Variants in NTRK3 observed in about 807,000 individuals in gnomAD.
The protein encoded by NTRK3 is neurotrophic receptor tyrosine kinase 3, also known as NT-3 growth factor receptor.
In NTRK3, 24 loss-of-function variants were observed where a neutral mutation model predicts 91.7. That is an observed-to-expected ratio of 0.26 (90% CI 0.19 to 0.37). NTRK3 has a LOEUF of 0.37. Ranked by LOEUF, NTRK3 falls within the 10% of genes least tolerant of loss-of-function variation. NTRK3 has a pLI of 1.00. For synonymous variants in NTRK3, 483 were observed against 404.0 expected, an observed-to-expected ratio of 1.20 and a Z score of -2.34; for missense variants, 880 against 1,068.9, an observed-to-expected ratio of 0.82 and a Z score of 2.46.
At chr15:88,181,472 G>A (rs2046448634) in intron 5 of NTRK3, among the ~76,000 whole-genome samples, 1 of 152,112 alleles carries the variant, frequency 6.6e-6, no homozygotes, top group Non-Finnish European at 1.5e-5. Flanking sequence ...TCCTGAGCCT[G>A]GGTCCTGAAG....
Position 87,979,712 on chromosome 15 carries a change from G to A in NTRK3, c.1586-38959C>T, listed in dbSNP as rs189982254. On this transcript the variant is annotated intron_variant, in intron 14 of 18. Transcript: ENST00000394480. The stretch of plus-strand genomic sequence containing the variant: ...AGGGAAGGGAGCAAAACCTTTGGGG[G>A]CTTGGCCTTGGATTGTCATGGAAGA... 3.9e-3 allele frequency among the ~76,000 whole-genome samples: 600 copies of A among 152,262 alleles called. 1 individual carries two copies. The highest frequency in any genetic ancestry group is 3.4e-3 in the Middle Eastern group (1 of 294).
chr15:87,872,751 C>T (rs569720813), exon 19 of NTRK3: 238 of 232,808 alleles, frequency 1.0e-3, no homozygotes, highest in Non-Finnish European at 1.7e-3. Context: ...CAATCCTTTG[C>T]CATTGGTAAC....
rs887835157 is a variant in NTRK3 at position 88,235,555 on chromosome 15, C to T, written c.248+20351G>A. On this transcript the variant is annotated intron_variant, in intron 3 of 18. Coordinates refer to ENST00000394480, the Ensembl canonical transcript of NTRK3. This position sits in a 1 kb window ranked among gnomAD's most constrained non-coding sequence, Gnocchi z 5.2. ...CCTTGCACATGAGACTCAGCCTGGG[C>T]CCCTGGGAGGAGCAGCACAACTGGG... Among the ~76,000 whole-genome samples the T allele has an allele frequency of 2.6e-5, 4 of 152,152 alleles. No homozygotes were observed. The highest frequency in any genetic ancestry group is 9.7e-5 in the African/African-American group (4 of 41,436).
exon 19 of NTRK3, chr15:87,863,023 G>C (rs2141375536): frequency 4.3e-6 from 1 of 230,876 alleles, no homozygotes. Context: ...TTGTGTATAA[G>C]CAGTCCTTCA....
intron 3 of NTRK3, among the ~76,000 whole-genome samples, chr15:88,210,822 C>T (rs573556249): frequency 7.9e-5 from 12 of 152,234 alleles, no homozygotes; most frequent in Admixed American, 2.6e-4. Context: ...CATCAGAGAG[C>T]GGGCTCCTGG....
chr15:87,930,525 A>G (rs926178476), intron 16 of NTRK3, among the ~76,000 whole-genome samples: 8 of 152,128 alleles, frequency 5.3e-5, no homozygotes, highest in African/African-American at 1.7e-4. Context: ...TCAGCTCACA[A>G]GGAAGAGGGG....
At chr15:88,080,962 G>C (rs934232491) in intron 13 of NTRK3, among the ~76,000 whole-genome samples, 7 of 152,240 alleles carry the variant, frequency 4.6e-5, no homozygotes, top group African/African-American at 1.7e-4. Flanking sequence ...CTACATGGCA[G>C]CTTAAGTCTC....
At chr15:88,017,195 T>C (rs1308179281) in intron 14 of NTRK3, among the ~76,000 whole-genome samples, 1 of 152,170 alleles carries the variant, frequency 6.6e-6, no homozygotes, top group Non-Finnish European at 1.5e-5. Flanking sequence ...TTCTAATGAT[T>C]GCTCCCTCAC....
chr15:87,935,848 T>C lies in NTRK3; in HGVS notation c.1717-2664A>G, dbSNP rs181424101. 2.2e-3 allele frequency among the ~76,000 whole-genome samples: 342 copies of C among 152,290 alleles called. 2 individuals are homozygous for C. The highest frequency in any genetic ancestry group is 7.8e-3 in the African/African-American group (325 of 41,576). On this transcript the variant is annotated intron_variant, in intron 15 of 18. Coordinates refer to ENST00000394480, the Ensembl canonical transcript of NTRK3. ...AGAGATGGGTTCTTCATTTGGGAGATGGGCACAAAGCAACCACCATTACTT... is the reference window on the plus strand; with the variant it reads ...AGAGATGGGTTCTTCATTTGGGAGACGGGCACAAAGCAACCACCATTACTT...
At chr15:88,252,350 C>G (rs1162842462) in intron 3 of NTRK3, among the ~76,000 whole-genome samples, 3 of 152,148 alleles carry the variant, frequency 2.0e-5, no homozygotes. Flanking sequence ...CCGAATGATC[C>G]TTCAGCCAGC....
At chr15:88,182,025 C>T (rs1260459779) in intron 5 of NTRK3, among the ~76,000 whole-genome samples, 1 of 152,164 alleles carries the variant, frequency 6.6e-6, no homozygotes, top group East Asian at 1.9e-4. Context: ...CCCAGCTATG[C>T]CTCCAGCTGC....
chr15:87,978,558 G>T (rs2073921938), intron 14 of NTRK3: 3 of 229,234 alleles, frequency 1.3e-5, no homozygotes, highest in Non-Finnish European at 1.7e-5. Context: ...AAAACCTCCT[G>T]CAGCCAAAGC....
At chr15:87,994,371 T>C (rs763375152) in intron 14 of NTRK3, among the ~76,000 whole-genome samples, 2 of 152,114 alleles carry the variant, frequency 1.3e-5, no homozygotes, top group Non-Finnish European at 1.5e-5. Context: ...TATTACTACG[T>C]CCTTATACAA....
intron 5 of NTRK3, among the ~76,000 whole-genome samples, chr15:88,166,647 T>C (rs2044988713): frequency 6.6e-6 from 1 of 152,222 alleles, no homozygotes; most frequent in Admixed American, 6.5e-5. Context: ...AAACAATTTT[T>C]AAATATTCAT....
intron 14 of NTRK3, among the ~76,000 whole-genome samples, chr15:88,018,252 A>G (rs1333053914): frequency 6.6e-6 from 1 of 152,236 alleles, no homozygotes; most frequent in East Asian, 1.9e-4. Flanking sequence ...GGGGATGACT[A>G]CATAGGAGCT....
chr15:88,102,348 T>A (rs1003968337), intron 13 of NTRK3, among the ~76,000 whole-genome samples: 2 of 152,334 alleles, frequency 1.3e-5, no homozygotes, highest in East Asian at 3.9e-4. Context: ...TTTCTATACT[T>A]AGGCCACCTG....
rs184843854 is a variant in NTRK3 at position 88,072,154 on chromosome 15, G to A, written c.1397-39109C>T. On this transcript the variant is annotated intron_variant, in intron 13 of 18. Coordinates refer to ENST00000394480, the Ensembl canonical transcript of NTRK3. ...CTGAGTAGCTGGGATTACAGGCACC[G>A]CCACCATGCCTGGCTAATTTTTTGT... Among the ~76,000 whole-genome samples, 717 of 151,784 alleles carry A rather than the reference G, an allele frequency of 4.7e-3. 6 individuals carry two copies. Among genetic ancestry groups the A allele is most frequent in the Non-Finnish European group, 7.6e-3 (513 of 67,918 alleles).
At chr15:88,140,504 C>A (rs1055388632) in intron 6 of NTRK3, among the ~76,000 whole-genome samples, 1 of 152,184 alleles carries the variant, frequency 6.6e-6, no homozygotes, top group African/African-American at 2.4e-5. Flanking sequence ...TTTCAGAACT[C>A]CATTCACTCT....
chr15:88,011,744 T>C (rs2076896877), intron 14 of NTRK3, among the ~76,000 whole-genome samples: 1 of 152,082 alleles, frequency 6.6e-6, no homozygotes, highest in Admixed American at 6.5e-5. Context: ...TATGGGAAAG[T>C]TGATTTATCA....
Sources: gnomAD v4.1 joint callset for allele counts (sites outside exome capture counted in the v4.1 genomes callset) on GRCh38, gnomAD v4.1.1 for gene constraint, Gnocchi (gnomAD v3.1) non-coding constraint, MANE v1.5 for transcripts, NCBI Gene and HGNC (gene_info 2026-07-23, HGNC 2026-07-21) for gene names.